Variants in SLC35F3 observed in about 807,000 individuals in gnomAD.
SLC35F3 encodes putative thiamine transporter SLC35F3.
Under a neutral mutation model 49.9 loss-of-function variants are expected in SLC35F3, and 25 were observed. That is an observed-to-expected ratio of 0.50 (90% CI 0.37 to 0.70). SLC35F3 has a LOEUF of 0.70. Among genes scored for constraint, SLC35F3 ranks in the 30% least tolerant of loss-of-function variants. SLC35F3 has a pLI of 0.00. For synonymous variants in SLC35F3, 275 were observed against 265.4 expected (o/e 1.04, Z -0.35); for missense variants, 525 against 639.8 (o/e 0.82, Z 1.94).
chr1:234,051,948 A>T (rs1664384088), intron 2 of SLC35F3, among the ~76,000 whole-genome samples: 1 of 152,064 alleles, frequency 6.6e-6, no homozygotes, highest in African/African-American at 2.4e-5. Flanking sequence ...ACGTTTATTG[A>T]TTTGCGTATG....
At chr1:234,165,714 T>G (rs1159433715) in intron 2 of SLC35F3, among the ~76,000 whole-genome samples, 2 of 152,150 alleles carry the variant, frequency 1.3e-5, no homozygotes, top group Non-Finnish European at 2.9e-5. Context: ...ATTTTGATTT[T>G]TTTATTTCAA....
chr1:234,107,935 T>G (rs1665308769), intron 2 of SLC35F3, among the ~76,000 whole-genome samples: 1 of 151,998 alleles, frequency 6.6e-6, no homozygotes, highest in Non-Finnish European at 1.5e-5. Context: ...AAAACCTGAC[T>G]TGCTTACTTG....
At chr1:234,062,631 A>G (rs751722560) in intron 2 of SLC35F3, among the ~76,000 whole-genome samples, 23 of 152,048 alleles carry the variant, frequency 1.5e-4, no homozygotes, top group Non-Finnish European at 2.8e-4. Flanking sequence ...TCTTTAGGAA[A>G]TAATTAAGAG....
intron 2 of SLC35F3, 89 bp downstream of exon 2, chr1:233,905,847 G>A (rs765343898): frequency 6.5e-6 from 8 of 1,234,190 alleles, no homozygotes; most frequent in East Asian, 2.5e-5. Context: ...GCAGTGAGGC[G>A]TCCAGCCACC....
intron 3 of SLC35F3, among the ~76,000 whole-genome samples, chr1:234,245,734 C>G (rs1667622182): frequency 6.6e-6 from 1 of 152,156 alleles, no homozygotes; most frequent in Admixed American, 6.5e-5. Context: ...CATGGGCCAC[C>G]TAAGCTGGAG....
At chr1:234,307,495 T>C (rs1192429518) in intron 3 of SLC35F3, among the ~76,000 whole-genome samples, 2 of 152,188 alleles carry the variant, frequency 1.3e-5, no homozygotes, top group East Asian at 3.9e-4. Flanking sequence ...CCTTCTAGAT[T>C]GATAGGAAGA....
intron 2 of SLC35F3, among the ~76,000 whole-genome samples, chr1:233,942,151 C>T (rs781114834): frequency 8.6e-5 from 13 of 151,604 alleles, no homozygotes; most frequent in South Asian, 2.1e-4. Context: ...TTAGCAGAGA[C>T]GGGGTTTCAC....
At chr1:233,928,437 G>A (rs1460983482) in intron 2 of SLC35F3, among the ~76,000 whole-genome samples, 9 of 152,144 alleles carry the variant, frequency 5.9e-5, no homozygotes, top group Non-Finnish European at 1.3e-4. Context: ...ATAGTAGAGT[G>A]ATTAAGATGA....
At chr1:234,321,046 C>G (rs907783359) in intron 7 of SLC35F3, among the ~76,000 whole-genome samples, 1 of 139,350 alleles carries the variant, frequency 7.2e-6, no homozygotes, top group Non-Finnish European at 1.6e-5. Flanking sequence ...TGCCCCCCCC[C>G]CACCCCAAAG....
chr1:233,983,581 T>C (rs185734275), intron 2 of SLC35F3, among the ~76,000 whole-genome samples: 32 of 152,352 alleles, frequency 2.1e-4, no homozygotes, highest in Admixed American at 5.2e-4. Context: ...CTCCAAGTGT[T>C]TCCTCTATTG....
intron 4 of SLC35F3, among the ~76,000 whole-genome samples, chr1:234,313,884 T>C (rs913913325): frequency 2.6e-5 from 4 of 152,192 alleles, no homozygotes; most frequent in South Asian, 2.1e-4. Flanking sequence ...TTTTAAAAGA[T>C]AGAACTGGAA....
chr1:234,317,562 T>A (rs1157893307), intron 5 of SLC35F3, among the ~76,000 whole-genome samples: 1 of 152,248 alleles, frequency 6.6e-6, no homozygotes, highest in African/African-American at 2.4e-5. Flanking sequence ...AATTAAGTAC[T>A]GTAGAGAGTC....
At chr1:234,071,659 GAA>G (rs1193178241) in intron 2 of SLC35F3, among the ~76,000 whole-genome samples, 1 of 152,140 alleles carries the variant, frequency 6.6e-6, no homozygotes. Flanking sequence ...TCAGATCTAT[GAA>G]CATGCAATTT....
chr1:233,991,559 C>T (rs538120034), intron 2 of SLC35F3, among the ~76,000 whole-genome samples: 2 of 152,310 alleles, frequency 1.3e-5, no homozygotes, highest in South Asian at 4.2e-4. Context: ...GGATTACTCT[C>T]TCCTGTCCAA....
intron 2 of SLC35F3, among the ~76,000 whole-genome samples, chr1:234,059,629 TAGA>T (rs1558217610): frequency 3.4e-3 from 232 of 67,518 alleles, no homozygotes; most frequent in South Asian, 8.3e-3. Context: ...GACATAGACA[TAGA>T]CATAGACATA....
chr1:233,951,358 T>A (rs1662605336), intron 2 of SLC35F3, among the ~76,000 whole-genome samples: 1 of 151,950 alleles, frequency 6.6e-6, no homozygotes, highest in African/African-American at 2.4e-5. Context: ...GGCCTTCACG[T>A]TCACCCACCA....
chr1:234,141,505 T>A lies in SLC35F3; in HGVS notation c.284-89912T>A, dbSNP rs4920215. The stretch of plus-strand genomic sequence containing the variant: ...GTAGACATCACCACAATCAAGGTAC[T>A]AAACATGTCCACCACCTCCAAAAAT... On this transcript the variant is annotated intron_variant, in intron 2 of 7. Coordinates refer to ENST00000366618, the MANE Select transcript of SLC35F3 (RefSeq NM_173508.4). Among the ~76,000 whole-genome samples the A allele has an allele frequency of 2.0e-5, 3 of 152,148 alleles. No individual in the cohort carries two copies. In the South Asian group the frequency reaches 6.2e-4, roughly 32 times the overall value.
chr1:234,147,075 G>A (rs1666008105), intron 2 of SLC35F3, among the ~76,000 whole-genome samples: 1 of 152,080 alleles, frequency 6.6e-6, no homozygotes, highest in South Asian at 2.1e-4. Context: ...TAGTTCCTTG[G>A]TGAGTAATCT....
chr1:234,216,832 G>A (rs1387094702), intron 2 of SLC35F3, among the ~76,000 whole-genome samples: 1 of 152,164 alleles, frequency 6.6e-6, no homozygotes, highest in East Asian at 1.9e-4. Flanking sequence ...AGCTGAAAAT[G>A]CCTGGCAAGC....
Sources: allele counts gnomAD v4.1 joint callset (sites outside exome capture counted in the v4.1 genomes callset), GRCh38; gene constraint gnomAD v4.1.1; transcripts MANE v1.5; gene names NCBI Gene and HGNC (gene_info 2026-07-23, HGNC 2026-07-21).